Variants in SORBS2 observed in about 807,000 individuals in gnomAD.
SORBS2 encodes sorbin and SH3 domain containing 2, also known as sorbin and SH3 domain-containing protein 2.
Under a neutral mutation model 97.7 loss-of-function variants are expected in SORBS2, and 46 were observed. The ratio of observed to expected loss-of-function variants is 0.47; its 90% CI spans 0.37 to 0.60. The LOEUF (loss-of-function observed/expected upper bound fraction) is 0.60. SORBS2 is among the 20% of genes least tolerant of loss of function. The pLI is 0.00. For missense variants in SORBS2, 1,316 were observed against 1,282.3 expected, an observed-to-expected ratio of 1.03 and a Z score of -0.40; for synonymous variants, 476 against 473.4, an observed-to-expected ratio of 1.01 and a Z score of -0.07.
chr4:185,638,800 G>C, intron 4 of SORBS2, 77 bp downstream of exon 14: 1 of 1,342,948 alleles, frequency 7.4e-7, no homozygotes, highest in Non-Finnish European at 9.7e-7. Context: ...AGTGGGAGTC[G>C]CCAGGCTCTG....
chr4:185,925,562 C>T (rs1053309271), intron 1 of SORBS2, among the ~76,000 whole-genome samples: 2 of 152,054 alleles, frequency 1.3e-5, no homozygotes, highest in Non-Finnish European at 2.9e-5. Context: ...ATGTATGAGA[C>T]GCGTATATTT....
chr4:185,785,231 CAAAA>C (rs1258476119), intron 1 of SORBS2, among the ~76,000 whole-genome samples: 32 of 144,504 alleles, frequency 2.2e-4, no homozygotes, highest in Admixed American at 1.6e-3. Flanking sequence ...AAAAAAAAAA[CAAAA>C]AACCTGTAAG....
At chr4:185,848,877 C>A (rs2099216193) in intron 1 of SORBS2, among the ~76,000 whole-genome samples, 1 of 152,000 alleles carries the variant, frequency 6.6e-6, no homozygotes, top group Non-Finnish European at 1.5e-5. Flanking sequence ...TAAACATTTT[C>A]AAGTTACTTG....
intron 2 of SORBS2, among the ~76,000 whole-genome samples, chr4:185,748,981 T>C (rs956430849): frequency 1.3e-5 from 2 of 152,208 alleles, no homozygotes; most frequent in Non-Finnish European, 2.9e-5. Flanking sequence ...TAAGATGGTA[T>C]TCAAACTCAG....
chr4:185,662,061 G>A (rs374871836), intron 5 of SORBS2, 43 bp downstream of exon 8: 9 of 1,608,518 alleles, frequency 5.6e-6, no homozygotes, highest in Non-Finnish European at 7.7e-6. Context: ...TGTACTTGCC[G>A]CATTGAGGTT....
chr4:185,735,678 T>C (rs2098680681), intron 2 of SORBS2, among the ~76,000 whole-genome samples: 1 of 152,024 alleles, frequency 6.6e-6, no homozygotes, highest in African/African-American at 2.4e-5. Flanking sequence ...ATCATGAAAA[T>C]ATTTACTGTG....
intron 1 of SORBS2, among the ~76,000 whole-genome samples, chr4:185,882,191 T>C (rs891051239): frequency 1.3e-5 from 2 of 152,158 alleles, no homozygotes; most frequent in African/African-American, 2.4e-5. Context: ...ATTGTCTGCA[T>C]AGAAAATCTC....
At chr4:185,788,649 T>C (rs1194143336) in intron 1 of SORBS2, among the ~76,000 whole-genome samples, 1 of 152,208 alleles carries the variant, frequency 6.6e-6, no homozygotes, top group Non-Finnish European at 1.5e-5. Context: ...GTGAATTTTA[T>C]AATTATACCC....
chr4:185,656,846 G>C (rs187529312), exon 1 of SORBS2: 1 of 1,344,340 alleles, frequency 7.4e-7, no homozygotes, highest in African/African-American at 1.5e-5. Flanking sequence ...ATCATCCCAG[G>C]AGAGCTCTCA....
At chr4:185,697,698 T>C in intron 2 of SORBS2, among the ~76,000 whole-genome samples, 1 of 152,158 alleles carries the variant, frequency 6.6e-6, no homozygotes, top group East Asian at 1.9e-4. Context: ...ACATAACAAA[T>C]TGTGTGACAA....
At chr4:185,869,224 CT>C (rs1201395480) in intron 1 of SORBS2, among the ~76,000 whole-genome samples, 1 of 152,132 alleles carries the variant, frequency 6.6e-6, no homozygotes, top group East Asian at 1.9e-4. Flanking sequence ...CACTGGAGAA[CT>C]GCATTGTGAC....
At chr4:185,618,745 A>G (rs137961309) in intron 8 of SORBS2, 114 bp from the exon 21 acceptor site, 123 of 543,976 alleles carry the variant, frequency 2.3e-4, no homozygotes, top group Admixed American at 2.1e-3. Context: ...AAACATATGT[A>G]ATGTTAATCC....
intron 12 of SORBS2, among the ~76,000 whole-genome samples, chr4:185,598,164 T>G (rs912576195): frequency 2.0e-5 from 3 of 152,254 alleles, no homozygotes; most frequent in Non-Finnish European, 4.4e-5. Context: ...TTACAATCAC[T>G]GTGCTGGGCA....
intron 1 of SORBS2, among the ~76,000 whole-genome samples, chr4:185,935,615 T>C (rs1377760246): frequency 6.6e-6 from 1 of 152,202 alleles, no homozygotes; most frequent in Non-Finnish European, 1.5e-5. Context: ...TCTTTAGACA[T>C]ACCAACTTTA....
upstream of SORBS2, among the ~76,000 whole-genome samples, chr4:185,661,474 T>C (rs2097520741): frequency 6.6e-6 from 1 of 152,184 alleles, no homozygotes. Flanking sequence ...AGGAGAGCTC[T>C]ATCTTTCACT....
At position 185,934,966 on chromosome 4, in the gene SORBS2, G is replaced by A. The variant is rs144687644; in HGVS notation, c.-338+21230C>T. Reference sequence around the variant, plus strand: ...GGATAGTTTGTTACTGAGTCAGGTCGCTTCTCCATAATTTGCACTTTAGGT... The same window carrying A: ...GGATAGTTTGTTACTGAGTCAGGTCACTTCTCCATAATTTGCACTTTAGGT... On this transcript the variant is annotated intron_variant, in intron 1 of 20. Transcript: ENST00000284776. Among the ~76,000 whole-genome samples the A allele has an allele frequency of 4.8e-3, 727 of 152,136 alleles. 7 individuals carry two copies. The highest frequency in any genetic ancestry group is 0.016 in the African/African-American group (678 of 41,486).
intron 1 of SORBS2, among the ~76,000 whole-genome samples, chr4:185,881,113 A>G (rs1561264016): frequency 6.6e-6 from 1 of 152,248 alleles, no homozygotes; most frequent in South Asian, 2.1e-4. Context: ...GCAAGGACTT[A>G]GTAATGTAAT....
chr4:185,703,133 T>C (rs2098289383), intron 2 of SORBS2, among the ~76,000 whole-genome samples: 1 of 152,214 alleles, frequency 6.6e-6, no homozygotes, highest in African/African-American at 2.4e-5. Flanking sequence ...GAGAATTGTT[T>C]ATATATTACA....
exon 5 of SORBS2, chr4:185,662,111 T>A (rs1292519921): frequency 1.9e-6 from 3 of 1,614,018 alleles, no homozygotes; most frequent in Non-Finnish European, 2.5e-6. Context: ...TACCGAGGGA[T>A]GTGCCGTGCT....
Sources: gnomAD v4.1 joint callset for allele counts (sites outside exome capture counted in the v4.1 genomes callset) on GRCh38, gnomAD v4.1.1 for gene constraint, MANE v1.5 for transcripts, NCBI Gene and HGNC (gene_info 2026-07-23, HGNC 2026-07-21) for gene names.